FRMPD4: variants seen among roughly 807,000 people sequenced by gnomAD.
The protein encoded by FRMPD4 is FERM and PDZ domain containing 4.
A neutral mutation model predicts 94.1 loss-of-function variants in FRMPD4; 22 were observed. That is an observed-to-expected ratio of 0.23 (90% CI 0.17 to 0.33). FRMPD4 has a LOEUF of 0.33. FRMPD4 is among the 10% of genes least tolerant of loss of function. The pLI is 1.00. For synonymous variants in FRMPD4, 631 were observed against 548.6 expected (o/e 1.15, Z -2.10); for missense variants, 1,111 against 1,339.9 (o/e 0.83, Z 2.67).
intron 2 of FRMPD4, among the ~76,000 whole-genome samples, chrX:12,546,375 A>G (rs745962764): frequency 9.0e-6 from 1 of 111,382 alleles, no homozygotes; most frequent in Non-Finnish European, 1.9e-5. Context: ...ACCAGGTTTC[A>G]CCAGGTTGGC....
chrX:12,150,174 G>A (rs1356602087), intron 1 of FRMPD4, among the ~76,000 whole-genome samples: 2 of 112,203 alleles, frequency 1.8e-5, no homozygotes, highest in African/African-American at 6.5e-5. Flanking sequence ...ATATCTCTGA[G>A]GTATGTCTGT....
At chrX:12,691,817 G>A (rs1020675722) in intron 8 of FRMPD4, among the ~76,000 whole-genome samples, 2 of 107,664 alleles carry the variant, frequency 1.9e-5, no homozygotes, top group African/African-American at 3.4e-5. Flanking sequence ...AGTGTAGGAC[G>A]CACCTCAGAG....
chrX:12,088,125 T>C (rs2055125866), intron 3 of FRMPD4, among the ~76,000 whole-genome samples: 1 of 112,030 alleles, frequency 8.9e-6, no homozygotes, highest in South Asian at 3.7e-4. Flanking sequence ...TAGGCTACTA[T>C]CACAAAATAC....
At chrX:12,608,714 A>C (rs779423867) in intron 2 of FRMPD4, among the ~76,000 whole-genome samples, 2 of 112,682 alleles carry the variant, frequency 1.8e-5, no homozygotes, top group Admixed American at 1.9e-4. Context: ...CTTTTTCTCT[A>C]CTTATTAATT....
intron 1 of FRMPD4, among the ~76,000 whole-genome samples, chrX:12,240,859 T>G (rs922161037): frequency 8.9e-6 from 1 of 112,092 alleles, no homozygotes; most frequent in Admixed American, 9.4e-5. Flanking sequence ...CCTGCCAATG[T>G]TTGTGAGTTA....
intron 1 of FRMPD4, among the ~76,000 whole-genome samples, chrX:12,186,347 A>C (rs2056424346): frequency 8.9e-6 from 1 of 111,792 alleles, no homozygotes; most frequent in South Asian, 3.7e-4. Flanking sequence ...ATAATGTTTA[A>C]ATAAAATAAG....
At chrX:12,439,035 A>G (rs887323135) in intron 1 of FRMPD4, among the ~76,000 whole-genome samples, 5 of 111,150 alleles carry the variant, frequency 4.5e-5, no homozygotes, top group Non-Finnish European at 7.5e-5. Flanking sequence ...TTTAGATGAC[A>G]GAGGTAGTGA....
chrX:12,567,560 T>A (rs1251725186), intron 2 of FRMPD4, among the ~76,000 whole-genome samples: 2 of 112,385 alleles, frequency 1.8e-5, no homozygotes, highest in African/African-American at 6.5e-5. Context: ...ATGTGGCCAA[T>A]GCTGAACCAG....
chrX:12,575,021 G>T (rs992577711), intron 2 of FRMPD4, among the ~76,000 whole-genome samples: 15 of 111,501 alleles, frequency 1.3e-4, no homozygotes, highest in Non-Finnish European at 2.4e-4. Context: ...CCATGAACTC[G>T]TTAAAAGAAG....
chrX:12,598,891 A>G (rs772689659), intron 2 of FRMPD4, among the ~76,000 whole-genome samples: 2 of 112,035 alleles, frequency 1.8e-5, no homozygotes, highest in East Asian at 5.5e-4. Flanking sequence ...ATTTACGTAA[A>G]GATTATAGAA....
At chrX:11,896,448 G>A (rs1166780663) in intron 3 of FRMPD4, among the ~76,000 whole-genome samples, 7 of 110,930 alleles carry the variant, frequency 6.3e-5, no homozygotes, top group South Asian at 7.7e-4. Flanking sequence ...AATGGGATTC[G>A]TGCCCTTATC....
intron 4 of FRMPD4, among the ~76,000 whole-genome samples, chrX:12,658,733 G>A (rs1023797983): frequency 1.8e-5 from 2 of 110,004 alleles, no homozygotes; most frequent in Non-Finnish European, 3.8e-5. Flanking sequence ...TTTTCCAATG[G>A]TATTTACAAG....
At chrX:11,868,472 CT>C (rs1351717255) in intron 2 of FRMPD4, among the ~76,000 whole-genome samples, 13 of 111,626 alleles carry the variant, frequency 1.2e-4, no homozygotes, top group Non-Finnish European at 1.5e-4. Context: ...ATGTAGTAGG[CT>C]ATTAACTCTA....
intron 3 of FRMPD4, among the ~76,000 whole-genome samples, chrX:12,115,866 A>C (rs1004525936): frequency 2.7e-5 from 3 of 111,371 alleles, no homozygotes; most frequent in African/African-American, 9.8e-5. Context: ...CAGTGGTTTG[A>C]ATCCTCACTC....
chrX:12,125,850 A>T, intron 3 of FRMPD4, among the ~76,000 whole-genome samples: 1 of 111,936 alleles, frequency 8.9e-6, no homozygotes. Context: ...GGGGACAGAA[A>T]GCTCTGCCCT....
intron 1 of FRMPD4, among the ~76,000 whole-genome samples, chrX:12,278,041 T>G (rs1163022070): frequency 8.9e-6 from 1 of 112,895 alleles, no homozygotes; most frequent in East Asian, 2.8e-4. Flanking sequence ...TTCAGACCTC[T>G]GTGTGAAACA....
At chrX:12,594,419 C>T (rs1043449744) in intron 2 of FRMPD4, among the ~76,000 whole-genome samples, 8 of 106,320 alleles carry the variant, frequency 7.5e-5, no homozygotes, top group African/African-American at 2.7e-4. Context: ...ATTTAGTTAA[C>T]CCCATTTATT....
At chrX:12,575,388 A>G (rs1411718202) in intron 2 of FRMPD4, among the ~76,000 whole-genome samples, 1 of 107,552 alleles carries the variant, frequency 9.3e-6, no homozygotes, top group Non-Finnish European at 1.9e-5. Context: ...AATAAAATTG[A>G]GGCCCAGGTG....
intron 3 of FRMPD4, among the ~76,000 whole-genome samples, chrX:11,982,962 C>A (rs1245696578): frequency 8.9e-6 from 1 of 111,800 alleles, no homozygotes; most frequent in African/African-American, 3.2e-5. Flanking sequence ...CACTAGATCT[C>A]TTGTACCTTG....
Sources: gnomAD v4.1 joint callset for allele counts (sites outside exome capture counted in the v4.1 genomes callset) on GRCh38, gnomAD v4.1.1 for gene constraint, MANE v1.5 for transcripts, NCBI Gene and HGNC (gene_info 2026-07-23, HGNC 2026-07-21) for gene names.